The following SPRR1A variants were observed in gnomAD, a reference collection of about 807,000 sequenced individuals.
SPRR1A encodes the protein cornifin-A.
For missense variants in SPRR1A, 123 were observed against 105.4 expected (o/e 1.17, Z -0.73); for synonymous variants, 40 against 39.2 (o/e 1.02, Z -0.07).
exon 1 of SPRR1A, chr1:152,985,275 G>A (rs1243492145): frequency 2.5e-6 from 4 of 1,613,648 alleles, no homozygotes; most frequent in South Asian, 2.2e-5. Context: ...CACCCCCTCA[G>A]CCTCAGCAGC....
At chr1:152,985,240 CAGCAGCAGA>C in exon 1 of SPRR1A, 1 of 1,607,546 alleles carries the variant, frequency 6.2e-7, no homozygotes, top group African/African-American at 1.3e-5. Flanking sequence ...CATGAATTCT[CAGCAGCAGA>C]AGCAGCCTTG....
upstream of SPRR1A, among the ~76,000 whole-genome samples, chr1:152,984,298 G>C (rs1453066878): frequency 4.6e-5 from 7 of 152,154 alleles, no homozygotes; most frequent in Non-Finnish European, 1.0e-4. Context: ...AAGGACCTTA[G>C]AGATGGTTAG....
exon 1 of SPRR1A, chr1:152,985,270 C>T (rs767491967): frequency 6.2e-7 from 1 of 1,613,852 alleles, no homozygotes; most frequent in Non-Finnish European, 8.5e-7. Flanking sequence ...CACCCCACCC[C>T]CTCAGCCTCA....
At chr1:152,984,560 A>T (rs917287783), upstream of SPRR1A, among the ~76,000 whole-genome samples, 6 of 152,300 alleles carry the variant, frequency 3.9e-5, no homozygotes, top group Non-Finnish European at 5.9e-5. Context: ...CTTAACAAAC[A>T]TAAAACCTAG....
downstream of SPRR1A, chr1:152,985,638 C>T (rs970441750): frequency 1.4e-6 from 2 of 1,420,960 alleles, no homozygotes; most frequent in Non-Finnish European, 1.9e-6. Flanking sequence ...CTCCTTTGCA[C>T]CTCTAAAAAG....
exon 1 of SPRR1A, chr1:152,985,487 C>G (rs752388862): frequency 6.2e-7 from 1 of 1,613,128 alleles, no homozygotes; most frequent in South Asian, 1.1e-5. Context: ...CAGCAGAAGA[C>G]CAAGCAGAAG....
upstream of SPRR1A, among the ~76,000 whole-genome samples, chr1:152,984,775 A>G (rs1187215324): frequency 1.3e-5 from 2 of 152,074 alleles, no homozygotes; most frequent in African/African-American, 4.8e-5. Flanking sequence ...GGGACTGTGT[A>G]AGCACAGACC....
chr1:152,985,722 C>G (rs567767776), downstream of SPRR1A, among the ~76,000 whole-genome samples: 92 of 152,300 alleles, frequency 6.0e-4, no homozygotes, highest in Non-Finnish European at 1.1e-3. Context: ...CTGAGCTAGT[C>G]TTCTTGTTGC....
At chr1:152,984,748 A>T (rs1007181365), upstream of SPRR1A, among the ~76,000 whole-genome samples, 1 of 151,988 alleles carries the variant, frequency 6.6e-6, no homozygotes, top group Admixed American at 6.6e-5. Flanking sequence ...CAGAGATGGG[A>T]AGAAAAGCAT....
chr1:152,985,189 C>A, upstream of SPRR1A: 1 of 1,552,836 alleles, frequency 6.4e-7, no homozygotes, highest in Non-Finnish European at 8.7e-7. Flanking sequence ...AATTGAATCA[C>A]TGTGTCAGCT....
At chr1:152,985,581 G>A (rs1652293391), downstream of SPRR1A, 2 of 1,530,038 alleles carry the variant, frequency 1.3e-6, no homozygotes, top group Admixed American at 4.3e-5. Flanking sequence ...AATCCCATTT[G>A]CCTATTGACC....
At chr1:152,985,410 G>A (rs551554233) in exon 1 of SPRR1A, 1 of 1,563,262 alleles carries the variant, frequency 6.4e-7, no homozygotes, top group East Asian at 2.3e-5. Context: ...GCCAGCCCAA[G>A]GTTCCAGAGC....
At chr1:152,985,287 G>A (rs1364292176) in exon 1 of SPRR1A, 2 of 1,613,696 alleles carry the variant, frequency 1.2e-6, no homozygotes, top group East Asian at 4.5e-5. Context: ...CTCAGCAGCA[G>A]CAGGTGAAAC....
exon 1 of SPRR1A, chr1:152,985,349 C>A (rs746049139): frequency 1.9e-6 from 3 of 1,598,528 alleles, no homozygotes; most frequent in Non-Finnish European, 2.5e-6. Flanking sequence ...ACCAAGGAGC[C>A]CTGCCACCCC....
chr1:152,985,325 C>T, exon 1 of SPRR1A: 1 of 1,613,852 alleles, frequency 6.2e-7, no homozygotes, highest in Non-Finnish European at 8.5e-7. Context: ...CCCCAGGAAC[C>T]ATGCATCCCC....
At chr1:152,985,468 G>C in exon 1 of SPRR1A, 1 of 1,613,714 alleles carries the variant, frequency 6.2e-7, no homozygotes, top group Non-Finnish European at 8.5e-7. Context: ...GGTCACTCCA[G>C]CACCAGCCCA....
chr1:152,985,348 C>T (rs1652277693), exon 1 of SPRR1A: 1 of 1,598,298 alleles, frequency 6.3e-7, no homozygotes, highest in Admixed American at 1.7e-5. Flanking sequence ...AACCAAGGAG[C>T]CCTGCCACCC....
upstream of SPRR1A, chr1:152,985,186 T>A (rs1252929640): frequency 7.1e-6 from 11 of 1,545,228 alleles, no homozygotes; most frequent in Non-Finnish European, 8.7e-6. Context: ...TTTAATTGAA[T>A]CACTGTGTCA....
In SPRR1A at chr1:152,985,424, G is replaced by C. The variant is rs544987331; in HGVS notation, c.194G>C (p.Cys65Ser). 14 of 1,582,020 alleles carry C rather than the reference G, an allele frequency of 8.8e-6. No individual in the cohort carries two copies. The South Asian group carries it at 1.6e-4, about 18-fold the overall frequency. ...TGCCAGCCCAAGGTTCCAGAGCCCT[G>C]CCAGCCCAAGGTGCCTGAGCCCTGC... is the stretch of plus-strand genomic sequence containing the variant. The change falls in exon 1 of 1, where the codon TGC (cysteine) becomes TCC (serine). Residue 65 changes from cysteine (C) to serine (S), a missense_variant. Cys to Ser is a moderately radical substitution (Grantham distance 112). Transcript: ENST00000368762.
Sources: allele counts gnomAD v4.1 joint callset (sites outside exome capture counted in the v4.1 genomes callset), GRCh38; gene constraint gnomAD v4.1.1; transcripts MANE v1.5; gene names NCBI Gene and HGNC (gene_info 2026-07-23, HGNC 2026-07-21).